The following CASTOR2 variants were observed in gnomAD, a reference collection of about 807,000 sequenced individuals.
The protein encoded by CASTOR2 is GATS protein like 2.
Under a neutral mutation model 31.2 loss-of-function variants are expected in CASTOR2, and 8 were observed. That is an observed-to-expected ratio of 0.26 (90% CI 0.15 to 0.46). The LOEUF (loss-of-function observed/expected upper bound fraction) is 0.46. Ranked by LOEUF, CASTOR2 falls within the 20% of genes least tolerant of loss-of-function variation. The pLI, the probability that CASTOR2 is intolerant of heterozygous loss-of-function variation, is 0.99. For synonymous variants in CASTOR2, 162 were observed against 158.7 expected, an observed-to-expected ratio of 1.02 and a Z score of -0.16; for missense variants, 216 against 382.1, an observed-to-expected ratio of 0.57 and a Z score of 3.62.
chr7:74,990,100 G>A (rs1431455264), intron 1 of CASTOR2, among the ~76,000 whole-genome samples: 3 of 152,052 alleles, frequency 2.0e-5, no homozygotes, highest in Admixed American at 6.6e-5. Flanking sequence ...TTAAAAACAT[G>A]TTTTGGTGCC....
At chr7:75,020,710 G>T (rs899080620) in intron 6 of CASTOR2, among the ~76,000 whole-genome samples, 1 of 151,942 alleles carries the variant, frequency 6.6e-6, no homozygotes, top group Non-Finnish European at 1.5e-5. Context: ...AAGATGGTCT[G>T]GATCTCCTGA....
intron 2 of CASTOR2, among the ~76,000 whole-genome samples, chr7:75,008,270 G>C (rs1203228437): frequency 2.9e-5 from 4 of 139,120 alleles, no homozygotes; most frequent in Non-Finnish European, 4.7e-5. Context: ...CCCTCCCTGG[G>C]TTCTGGAGGG....
chr7:75,022,867 A>T (rs1385751166), intron 7 of CASTOR2, among the ~76,000 whole-genome samples: 1 of 152,224 alleles, frequency 6.6e-6, no homozygotes, highest in Non-Finnish European at 1.5e-5. Context: ...AAGAGAAAAA[A>T]AATCACTCCT....
intron 6 of CASTOR2, among the ~76,000 whole-genome samples, chr7:75,020,972 T>TTTTTA (rs1402983318): frequency 7.2e-5 from 11 of 151,870 alleles, no homozygotes; most frequent in African/African-American, 2.4e-4. Flanking sequence ...AATTTTTGTA[T>TTTTTA]TTTTATTTTA....
At chr7:74,997,624 C>T (rs1483822346) in intron 1 of CASTOR2, among the ~76,000 whole-genome samples, 2,151 of 152,022 alleles carry the variant, frequency 0.014, 57 homozygotes, top group African/African-American at 0.049. Flanking sequence ...TGGGTTTTCA[C>T]CATGTTGGCC....
At chr7:74,965,850 TCACACACA>T (rs1177991219) in intron 1 of CASTOR2, among the ~76,000 whole-genome samples, 2 of 10,648 alleles carry the variant, frequency 1.9e-4, no homozygotes, top group Admixed American at 1.5e-3. Context: ...AAAGAGGGAA[TCACACACA>T]CACACACACA....
chr7:75,002,776 C>G (rs1804525743), intron 1 of CASTOR2, among the ~76,000 whole-genome samples: 1 of 151,944 alleles, frequency 6.6e-6, no homozygotes, highest in Non-Finnish European at 1.5e-5. Context: ...AAACGGATCT[C>G]AGAGTGACCT....
At chr7:75,013,055 T>C (rs1488198887) in intron 2 of CASTOR2, among the ~76,000 whole-genome samples, 13 of 152,200 alleles carry the variant, frequency 8.5e-5, no homozygotes, top group African/African-American at 2.9e-4. Flanking sequence ...CCCAAAGTGT[T>C]GGGATTACAG....
chr7:75,024,504 C>T lies in CASTOR2; in HGVS notation c.894C>T (p.Tyr298=), dbSNP rs1231659211. 17 of 1,551,458 alleles carry T rather than the reference C, an allele frequency of 1.1e-5. No individual in the cohort carries two copies. Among genetic ancestry groups the T allele is most frequent in the Non-Finnish European group, 1.5e-5 (17 of 1,146,862 alleles). ...CTGCTGCAGACATCCCAGCCTACTA[C>T]ATCAGTACTTTCAAGTTTGATCATG... is the stretch of plus-strand genomic sequence containing the variant. ...PLAAADIPAY[Y]ISTFKFDHAL... The change falls in exon 8 of 9, where the codon TAC becomes TAT. Residue 298 remains tyrosine, a synonymous_variant. Transcript: ENST00000616305.
rs976702554 is a variant in CASTOR2, at chr7:75,030,103, C to T, written c.*5404C>T. Among the ~76,000 whole-genome samples the T allele has an allele frequency of 2.6e-5, 4 of 152,284 alleles. No individual in the cohort carries two copies. Among genetic ancestry groups the T allele is most frequent in the Non-Finnish European group, 5.9e-5 (4 of 68,014 alleles). ...TGGCATCCAGGGACAGCCTGGTGGC[C>T]GAGAGAGCTTGTGGCTGTCACTATA... is the stretch of plus-strand genomic sequence containing the variant. On this transcript the variant is annotated 3_prime_UTR_variant, in exon 9 of 9. Coordinates refer to ENST00000616305, the MANE Select transcript of CASTOR2 (RefSeq NM_001145064.3).
intron 1 of CASTOR2, among the ~76,000 whole-genome samples, chr7:74,996,517 C>G (rs1804350625): frequency 6.6e-6 from 1 of 151,346 alleles, no homozygotes; most frequent in Non-Finnish European, 1.5e-5. Flanking sequence ...CATGTTGACA[C>G]AAAACTGTCT....
At chr7:74,999,110 C>T (rs1804427801) in intron 1 of CASTOR2, among the ~76,000 whole-genome samples, 1 of 152,112 alleles carries the variant, frequency 6.6e-6, no homozygotes. Flanking sequence ...ATTCTCCTGC[C>T]TCAGCCTCCC....
intron 1 of CASTOR2, among the ~76,000 whole-genome samples, chr7:75,003,923 C>A (rs1449133404): frequency 6.6e-6 from 1 of 152,140 alleles, no homozygotes; most frequent in African/African-American, 2.4e-5. Flanking sequence ...TAGCTCAGCC[C>A]CTGGGGACAG....
intron 1 of CASTOR2, among the ~76,000 whole-genome samples, chr7:74,982,483 C>G (rs1170526065): frequency 6.7e-6 from 1 of 150,060 alleles, no homozygotes; most frequent in East Asian, 2.0e-4. Context: ...CCCTCCACCC[C>G]CTCCCAACTG....
At chr7:74,998,582 G>A (rs1289267566) in intron 1 of CASTOR2, among the ~76,000 whole-genome samples, 6 of 140,066 alleles carry the variant, frequency 4.3e-5, no homozygotes, top group Non-Finnish European at 6.2e-5. Context: ...CAGCCTGGGC[G>A]ACAGTGAGAC....
rs1240325585 is a variant in CASTOR2 at position 75,026,660 on chromosome 7, A to C, written c.*1961A>C. Among the ~76,000 whole-genome samples, 1 of 151,164 alleles carries C rather than the reference A, an allele frequency of 6.6e-6. No individual in the cohort carries two copies. The highest frequency in any genetic ancestry group is 2.4e-5 in the African/African-American group (1 of 41,142). Reference sequence around the variant, plus strand: ...GGCCCACCACATTAATTAGAAACCAACTTTTTTTTTTTTAAGTTAATTTGT... The same window carrying C: ...GGCCCACCACATTAATTAGAAACCACCTTTTTTTTTTTTAAGTTAATTTGT... On this transcript the variant is annotated 3_prime_UTR_variant, in exon 9 of 9. Coordinates refer to ENST00000616305, the MANE Select transcript of CASTOR2 (RefSeq NM_001145064.3).
rs1805229602 is a variant in CASTOR2, at chr7:75,029,250, G to T, written c.*4551G>T. Among the ~76,000 whole-genome samples the T allele has an allele frequency of 6.6e-6, 1 of 152,202 alleles. No homozygotes were observed. ...CTGGGGAGTCCTAAGGCCACCCTGG[G>T]CCCCTTTCTGAGCCTAGAGATCTGG... On this transcript the variant is annotated 3_prime_UTR_variant, in exon 9 of 9. Transcript: ENST00000616305.
Position 75,024,904 on chromosome 7 carries a change from C to A in CASTOR2, c.*205C>A. The A allele has an allele frequency of 7.9e-7, 1 of 1,270,034 alleles. No homozygotes were observed. Among genetic ancestry groups the A allele is most frequent in the Non-Finnish European group, 1.1e-6 (1 of 918,602 alleles). The allele number at this position is 1,270,034 out of a possible 1,614,324, so 78.7% of individuals were successfully genotyped here. A position where few individuals can be genotyped will look rare whatever the true frequency, so the allele number is the denominator to read the frequency against. On this transcript the variant is annotated 3_prime_UTR_variant, in exon 9 of 9. Transcript: ENST00000616305. ...CCATGCCCTCCTGCCTTCCCGGAGCCCCCCGACCCTCCAGAGAACGACCTT... is the reference window on the plus strand; with the variant it reads ...CCATGCCCTCCTGCCTTCCCGGAGCACCCCGACCCTCCAGAGAACGACCTT...
rs899948141 is a variant in CASTOR2, at chr7:75,027,924, C to T, written c.*3225C>T. The stretch of plus-strand genomic sequence containing the variant: ...CTCCTGGTCTGCTGGGTGGGAGGGT[C>T]TCTCCAGGCCCCAGACCCCACTTGG... On this transcript the variant is annotated 3_prime_UTR_variant, in exon 9 of 9. Transcript: ENST00000616305. 25 of 1,246,040 alleles carry T rather than the reference C, an allele frequency of 2.0e-5. No homozygotes were observed. The African/African-American group carries it at 3.3e-4, about 16-fold the overall frequency. 77.2% of individuals were successfully genotyped at this position (1,246,040 alleles called of 1,614,324 possible).
Sources: allele counts gnomAD v4.1 joint callset (sites outside exome capture counted in the v4.1 genomes callset), GRCh38; gene constraint gnomAD v4.1.1; transcripts MANE v1.5; gene names NCBI Gene and HGNC (gene_info 2026-07-23, HGNC 2026-07-21).